The following HP1BP3 variants were observed in gnomAD, a reference collection of about 807,000 sequenced individuals.
HP1BP3 encodes heterochromatin protein 1 binding protein 3, also known as heterochromatin protein 1-binding protein 3.
A neutral mutation model predicts 62.5 loss-of-function variants in HP1BP3; 12 were observed. That is an observed-to-expected ratio of 0.19 (90% confidence interval 0.12 to 0.31). The LOEUF is 0.31. HP1BP3 is among the 10% of genes least tolerant of loss of function. The probability of loss-of-function intolerance (pLI) is 1.00; values close to 1 mark genes in which losing one functional copy is unlikely to be tolerated. For synonymous variants in HP1BP3, 260 were observed against 237.8 expected (o/e 1.09, Z -0.86); for missense variants, 502 against 651.8 (o/e 0.77, Z 2.50).
chr1:20,761,213 T>C (rs2056451722), intron 8 of HP1BP3, among the ~76,000 whole-genome samples: 1 of 151,910 alleles, frequency 6.6e-6, no homozygotes, highest in Non-Finnish European at 1.5e-5. Flanking sequence ...CATGGCTAAT[T>C]TTTTTGTATT....
At chr1:20,755,816 G>C (rs544801632) in intron 9 of HP1BP3, among the ~76,000 whole-genome samples, 76 of 152,220 alleles carry the variant, frequency 5.0e-4, no homozygotes, top group South Asian at 1.9e-3. Context: ...CAATAAAAAA[G>C]AATGAAAGCA....
At chr1:20,748,075 GA>G (rs958046409) in intron 10 of HP1BP3, among the ~76,000 whole-genome samples, 75 of 142,194 alleles carry the variant, frequency 5.3e-4, no homozygotes, top group Admixed American at 1.5e-3. Flanking sequence ...ATTTCACAGG[GA>G]AAAAAAAAAA....
At chr1:20,766,013 C>G (rs1282793882) in intron 7 of HP1BP3, among the ~76,000 whole-genome samples, 1 of 144,182 alleles carries the variant, frequency 6.9e-6, no homozygotes, top group Non-Finnish European at 1.5e-5. Context: ...AAAAAGGAGC[C>G]AGGTGTGGTG....
chr1:20,751,702 G>A (rs1288364001), intron 9 of HP1BP3, among the ~76,000 whole-genome samples: 2 of 150,430 alleles, frequency 1.3e-5, no homozygotes, highest in Admixed American at 6.6e-5. Flanking sequence ...CAGCCTGAGT[G>A]ACAGACCAAG....
chr1:20,744,845 C>G lies in HP1BP3; in HGVS notation c.1614G>C (p.Pro538=), dbSNP rs768626587. Residue 538 remains proline (P), a synonymous_variant, in exon 13 of 13, where the codon CCG becomes CCC. Coordinates refer to ENST00000438032, the MANE Select transcript of HP1BP3 (RefSeq NM_001372052.1). ...ATSARKEVKL[P]GKGKSTMKKS... ...TCTTCATGGTGGATTTGCCCTTGCC[C>G]GGCAATTTTACTTCCTTTCTTGCAC... is the stretch of plus-strand genomic sequence containing the variant. 3.7e-6 allele frequency: 6 copies of G among 1,613,638 alleles called. No homozygotes were observed. The highest frequency in any genetic ancestry group is 4.2e-6 in the Non-Finnish European group (5 of 1,179,950).
intron 8 of HP1BP3, among the ~76,000 whole-genome samples, chr1:20,759,984 G>A (rs546181351): frequency 9.9e-4 from 150 of 150,796 alleles, no homozygotes; most frequent in African/African-American, 3.5e-3. Context: ...TGCCTCCTGG[G>A]TTCAAGCAAT....
intron 9 of HP1BP3, among the ~76,000 whole-genome samples, chr1:20,750,927 C>T (rs2055705226): frequency 1.3e-5 from 2 of 148,550 alleles, no homozygotes; most frequent in South Asian, 2.1e-4. Flanking sequence ...AAGCAATTCT[C>T]CTGCCTCAAC....
At chr1:20,754,476 T>A (rs12129758) in intron 9 of HP1BP3, among the ~76,000 whole-genome samples, 2 of 152,024 alleles carry the variant, frequency 1.3e-5, no homozygotes, top group East Asian at 3.9e-4. Flanking sequence ...TTTGGTTTTT[T>A]TTTTTTGGCA....
intron 3 of HP1BP3, among the ~76,000 whole-genome samples, chr1:20,777,765 G>T (rs555205830): frequency 6.6e-6 from 1 of 152,160 alleles, no homozygotes; most frequent in Admixed American, 6.5e-5. Flanking sequence ...GCTATAAAGA[G>T]AATTTTAAAA....
intron 6 of HP1BP3, 83 bp downstream of exon 6, chr1:20,770,847 C>T: frequency 9.8e-7 from 1 of 1,018,214 alleles, no homozygotes; most frequent in Non-Finnish European, 1.4e-6. Context: ...ACAAAAAAGG[C>T]ACAAAAAGCC....
intron 1 of HP1BP3, among the ~76,000 whole-genome samples, chr1:20,784,015 C>CTAG (rs2057699653): frequency 6.6e-6 from 1 of 151,654 alleles, no homozygotes; most frequent in African/African-American, 2.4e-5. Context: ...CGGTCTCACT[C>CTAG]TGATGCTCAG....
At chr1:20,752,947 GTT>G (rs199580694) in intron 9 of HP1BP3, among the ~76,000 whole-genome samples, 19 of 147,926 alleles carry the variant, frequency 1.3e-4, no homozygotes, top group Admixed American at 8.1e-4. Context: ...CTTGGAACAC[GTT>G]TTTTTTTTTT....
At chr1:20,778,921 C>A (rs927057638) in intron 3 of HP1BP3, among the ~76,000 whole-genome samples, 2 of 151,980 alleles carry the variant, frequency 1.3e-5, no homozygotes, top group Admixed American at 1.3e-4. Flanking sequence ...TCCTGAGTAG[C>A]AGGGATTACA....
At chr1:20,762,992 G>C (rs1480392895) in intron 8 of HP1BP3, among the ~76,000 whole-genome samples, 1 of 152,168 alleles carries the variant, frequency 6.6e-6, no homozygotes, top group African/African-American at 2.4e-5. Flanking sequence ...GGATGGCTTC[G>C]TGAATGGCTT....
chr1:20,782,168 T>C (rs939516852), intron 1 of HP1BP3, among the ~76,000 whole-genome samples: 1 of 152,202 alleles, frequency 6.6e-6, no homozygotes, highest in African/African-American at 2.4e-5. Context: ...TTTGGTGTAG[T>C]AGCTCATGCC....
chr1:20,750,810 T>TTC lies in HP1BP3; in HGVS notation c.982-930_982-929dup, dbSNP rs1245554089. On this transcript the variant is annotated intron_variant, in intron 9 of 12. Transcript: ENST00000438032. ...CCACTTAATGAACAATAAATATATTTTCTCTCTTTTTTTTTTTTTTTTTTT... is the reference window on the plus strand; with the variant it reads ...CCACTTAATGAACAATAAATATATTTTCTCTCTCTTTTTTTTTTTTTTTTTTT... 2.6e-3 allele frequency among the ~76,000 whole-genome samples: 340 copies of TTC among 132,572 alleles called. 2 individuals are homozygous for TTC. The highest frequency in any genetic ancestry group is 3.8e-3 in the Middle Eastern group (1 of 266). The allele number at this position is 132,572 out of a possible 152,430, so 87.0% of individuals were successfully genotyped here.
rs773312385 is a variant in HP1BP3 at position 20,741,539 on chromosome 1, C to T, written c.*3258G>A. On this transcript the variant is annotated 3_prime_UTR_variant, in exon 13 of 13. Coordinates refer to ENST00000438032, the MANE Select transcript of HP1BP3 (RefSeq NM_001372052.1). Reference sequence around the variant, plus strand: ...CCTGTTTCCTAAGATTTATACAGGACCAGGTTTCCTTTAATTAAGTCCATG... The same window carrying T: ...CCTGTTTCCTAAGATTTATACAGGATCAGGTTTCCTTTAATTAAGTCCATG... Among the ~76,000 whole-genome samples the T allele has an allele frequency of 6.6e-6, 1 of 152,202 alleles. No individual in the cohort carries two copies. The highest frequency in any genetic ancestry group is 1.5e-5 in the Non-Finnish European group (1 of 68,034).
chr1:20,782,908 G>GAAAAAAAAA (rs1056907677), intron 1 of HP1BP3, among the ~76,000 whole-genome samples: 2 of 119,896 alleles, frequency 1.7e-5, no homozygotes, highest in Non-Finnish European at 3.4e-5. Flanking sequence ...TCAAAAAAAA[G>GAAAAAAAAA]AAAAAAAAAA....
At chr1:20,767,489 T>G in intron 7 of HP1BP3, 95 bp downstream of exon 7, 5 of 853,490 alleles carry the variant, frequency 5.9e-6, no homozygotes, top group South Asian at 2.9e-5. Context: ...GAACCTTGCA[T>G]AGTGCCAGGC....
Sources: allele counts gnomAD v4.1 joint callset (sites outside exome capture counted in the v4.1 genomes callset), GRCh38; gene constraint gnomAD v4.1.1; transcripts MANE v1.5; gene names NCBI Gene and HGNC (gene_info 2026-07-23, HGNC 2026-07-21).